The following FRMPD4 variants were observed in gnomAD, a reference collection of about 807,000 sequenced individuals.
The protein encoded by FRMPD4 is FERM and PDZ domain-containing protein 4.
FRMPD4 carries 22 observed loss-of-function variants against 94.1 expected under a neutral mutation model. The ratio of observed to expected loss-of-function variants is 0.23; its 90% CI spans 0.17 to 0.33. The LOEUF (loss-of-function observed/expected upper bound fraction) is 0.33, where lower values mean the gene tolerates loss of function less well. Ranked by LOEUF, FRMPD4 falls within the 10% of genes least tolerant of loss-of-function variation. The pLI is 1.00. For synonymous variants in FRMPD4, 631 were observed against 548.6 expected (o/e 1.15, Z -2.10); for missense variants, 1,111 against 1,339.9 (o/e 0.83, Z 2.67).
chrX:12,402,292 CTG>C (rs2056618246), intron 1 of FRMPD4, among the ~76,000 whole-genome samples: 1 of 111,314 alleles, frequency 9.0e-6, no homozygotes, highest in Admixed American at 9.5e-5. Flanking sequence ...GAAGAAGTCT[CTG>C]TGCAAGTGAC....
At chrX:11,916,971 G>C (rs2054028084) in intron 3 of FRMPD4, among the ~76,000 whole-genome samples, 1 of 111,806 alleles carries the variant, frequency 8.9e-6, no homozygotes, top group Admixed American at 9.5e-5. Flanking sequence ...AAATACTGGG[G>C]CTGAGGCTGG....
chrX:12,222,365 T>C (rs7877455), intron 1 of FRMPD4, among the ~76,000 whole-genome samples: 2,490 of 112,117 alleles, frequency 0.022, 73 homozygotes, highest in African/African-American at 0.077. Flanking sequence ...AGGAACTGCA[T>C]GGACAGTAAA....
At chrX:11,845,129 C>T (rs761203216) in intron 1 of FRMPD4, among the ~76,000 whole-genome samples, 1 of 112,238 alleles carries the variant, frequency 8.9e-6, no homozygotes, top group South Asian at 3.7e-4. Flanking sequence ...ATGGTTTGAA[C>T]GTATTCATAA....
At chrX:11,845,174 C>A (rs754214081) in intron 1 of FRMPD4, among the ~76,000 whole-genome samples, 25 of 112,159 alleles carry the variant, frequency 2.2e-4, no homozygotes, top group African/African-American at 7.7e-4. Context: ...AATCTGGCTT[C>A]TGGAGACACT....
At chrX:12,477,326 A>G (rs1295940891) in intron 1 of FRMPD4, among the ~76,000 whole-genome samples, 2 of 111,541 alleles carry the variant, frequency 1.8e-5, no homozygotes, top group African/African-American at 3.3e-5. Flanking sequence ...AAGGGGGAGG[A>G]ATAGCATTAG....
At chrX:12,321,505 T>C (rs979735955) in intron 1 of FRMPD4, among the ~76,000 whole-genome samples, 2 of 112,296 alleles carry the variant, frequency 1.8e-5, no homozygotes, top group Non-Finnish European at 3.8e-5. Flanking sequence ...TAGATGATGT[T>C]GCCCAACTGT....
At chrX:11,848,578 G>T (rs936604752) in intron 1 of FRMPD4, among the ~76,000 whole-genome samples, 1 of 108,871 alleles carries the variant, frequency 9.2e-6, no homozygotes, top group Non-Finnish European at 1.9e-5. Context: ...TTCATCCAGG[G>T]ATATGTGGGT....
At chrX:12,629,756 T>G (rs749108197) in intron 4 of FRMPD4, among the ~76,000 whole-genome samples, 3 of 112,048 alleles carry the variant, frequency 2.7e-5, no homozygotes, top group Non-Finnish European at 5.6e-5. Context: ...CTTCCAAGCC[T>G]TTGTCTCAGG....
intron 1 of FRMPD4, among the ~76,000 whole-genome samples, chrX:12,369,702 A>G (rs956214316): frequency 8.9e-6 from 1 of 111,891 alleles, no homozygotes; most frequent in Admixed American, 9.5e-5. Flanking sequence ...TCTCATAGTC[A>G]GTGGAAACTG....
chrX:12,547,462 A>C (rs149145180), intron 2 of FRMPD4, among the ~76,000 whole-genome samples: 1,291 of 112,028 alleles, frequency 0.012, 10 homozygotes, highest in Non-Finnish European at 0.02. Context: ...ATGTGAACAA[A>C]GATATTAAAT....
chrX:12,525,247 C>G (rs756809106), intron 2 of FRMPD4, among the ~76,000 whole-genome samples: 4 of 111,530 alleles, frequency 3.6e-5, no homozygotes, highest in Admixed American at 9.5e-5. Flanking sequence ...AACCTGCATT[C>G]CTATAAACAT....
chrX:12,476,105 C>A (rs1301086474), intron 1 of FRMPD4, among the ~76,000 whole-genome samples: 1 of 111,408 alleles, frequency 9.0e-6, no homozygotes, highest in Non-Finnish European at 1.9e-5. Flanking sequence ...GGTACTGGTA[C>A]CAAAACAGAG....
intron 1 of FRMPD4, among the ~76,000 whole-genome samples, chrX:12,466,753 C>T (rs1398927725): frequency 2.7e-5 from 3 of 112,150 alleles, no homozygotes; most frequent in Non-Finnish European, 5.6e-5. Context: ...GAATGGAATA[C>T]ACAATGAGTG....
intron 2 of FRMPD4, among the ~76,000 whole-genome samples, chrX:12,553,306 A>T (rs2058557607): frequency 9.3e-6 from 1 of 108,027 alleles, no homozygotes; most frequent in East Asian, 2.9e-4. Flanking sequence ...TGCCAATGGT[A>T]TATAGAAGTA....
chrX:12,563,239 TACACACACACAC>T (rs369700317), intron 2 of FRMPD4, among the ~76,000 whole-genome samples: 39 of 97,246 alleles, frequency 4.0e-4, no homozygotes, highest in African/African-American at 1.4e-3. Flanking sequence ...TGTAAGTGTG[TACACACACACAC>T]ACACACACAC....
At chrX:12,691,028 G>A (rs1243891380) in intron 8 of FRMPD4, among the ~76,000 whole-genome samples, 2 of 112,179 alleles carry the variant, frequency 1.8e-5, no homozygotes, top group Admixed American at 1.9e-4. Flanking sequence ...AGGAGGAGAA[G>A]CATCAGATGC....
chrX:12,259,954 G>A (rs2054167682), intron 1 of FRMPD4, among the ~76,000 whole-genome samples: 1 of 111,818 alleles, frequency 8.9e-6, no homozygotes, highest in African/African-American at 3.2e-5. Flanking sequence ...TGCAAAGTAA[G>A]GATTGTTATT....
At chrX:12,171,873 A>G (rs1316248269) in intron 1 of FRMPD4, among the ~76,000 whole-genome samples, 3 of 111,623 alleles carry the variant, frequency 2.7e-5, no homozygotes, top group African/African-American at 9.8e-5. Context: ...AGGTACAGCC[A>G]TTCTCAGGTA....
chrX:12,475,522 T>C (rs1247050405), intron 1 of FRMPD4, among the ~76,000 whole-genome samples: 1 of 111,850 alleles, frequency 8.9e-6, no homozygotes, highest in Non-Finnish European at 1.9e-5. Context: ...GAAGTCAAAT[T>C]GTCCCTGTTT....
Sources: gnomAD v4.1 joint callset for allele counts (sites outside exome capture counted in the v4.1 genomes callset) on GRCh38, gnomAD v4.1.1 for gene constraint, MANE v1.5 for transcripts, NCBI Gene and HGNC (gene_info 2026-07-23, HGNC 2026-07-21) for gene names.